The following SAE1 variants were observed in gnomAD, a reference collection of about 807,000 sequenced individuals.
SAE1 encodes the protein SUMO1 activating enzyme subunit 1.
In SAE1, 11 loss-of-function variants were observed where a neutral mutation model predicts 40.6. The observed-to-expected ratio is 0.27, with a 90% confidence interval of 0.17 to 0.45. The LOEUF is 0.45. Among genes scored for constraint, SAE1 ranks in the 20% least tolerant of loss-of-function variants. The pLI, the probability that SAE1 is intolerant of heterozygous loss-of-function variation, is 1.00. For missense variants in SAE1, 373 were observed against 427.3 expected, an observed-to-expected ratio of 0.87 and a Z score of 1.12; for synonymous variants, 155 against 154.3, an observed-to-expected ratio of 1.00 and a Z score of -0.03.
At position 47,186,505 on chromosome 19, in the gene SAE1, G is replaced by A. The variant is rs578137296; in HGVS notation, c.734-10728G>A. On this transcript the variant is annotated intron_variant, in intron 6 of 8. Coordinates refer to ENST00000270225, the MANE Select transcript of SAE1 (RefSeq NM_005500.3). Reference sequence around the variant, plus strand: ...TTTTTACATGGTTCATTGAGCATTCGTGCTCCCCTCTGCTGTGGGTGAGGG... The same window carrying A: ...TTTTTACATGGTTCATTGAGCATTCATGCTCCCCTCTGCTGTGGGTGAGGG... 2.9e-4 allele frequency among the ~76,000 whole-genome samples: 44 copies of A among 152,086 alleles called. 1 individual carries two copies. Among genetic ancestry groups the A allele is most frequent in the Non-Finnish European group, 4.9e-4 (33 of 68,028 alleles).
chr19:47,177,106 T>C (rs1351683641), intron 6 of SAE1, among the ~76,000 whole-genome samples: 1 of 152,228 alleles, frequency 6.6e-6, no homozygotes, highest in Admixed American at 6.5e-5. Flanking sequence ...TTGCTCAGTC[T>C]CTGTTCTGAT....
At chr19:47,190,808 C>T (rs762927650) in intron 6 of SAE1, among the ~76,000 whole-genome samples, 10 of 152,194 alleles carry the variant, frequency 6.6e-5, no homozygotes, top group East Asian at 1.9e-4. Context: ...TATATGACCA[C>T]GGTCTCCACT....
intron 5 of SAE1, among the ~76,000 whole-genome samples, chr19:47,160,213 C>CTTT (rs2058350397): frequency 9.7e-6 from 1 of 102,780 alleles, no homozygotes; most frequent in African/African-American, 4.0e-5. Flanking sequence ...CAAAATCCTG[C>CTTT]ATTTTTTTTT....
intron 3 of SAE1, 28 bp from the exon 4 acceptor site, chr19:47,152,870 A>G (rs560620784): frequency 6.2e-7 from 1 of 1,608,710 alleles, no homozygotes; most frequent in East Asian, 2.2e-5. Flanking sequence ...GCAAAACTCA[A>G]ACCCAGCCAA....
At chr19:47,172,948 C>T (rs1469805661) in intron 6 of SAE1, among the ~76,000 whole-genome samples, 1 of 152,128 alleles carries the variant, frequency 6.6e-6, no homozygotes, top group Non-Finnish European at 1.5e-5. Context: ...AATTTAAAGT[C>T]AGTGGCTCAA....
intron 2 of SAE1, 53 bp from the exon 3 acceptor site, chr19:47,150,149 A>G: frequency 1.6e-6 from 2 of 1,233,946 alleles, no homozygotes; most frequent in Middle Eastern, 2.9e-4. Flanking sequence ...TCTTTTTAAG[A>G]TTTATTTTCC....
chr19:47,172,571 G>T (rs2058441055), intron 6 of SAE1, among the ~76,000 whole-genome samples: 1 of 152,080 alleles, frequency 6.6e-6, no homozygotes, highest in Admixed American at 6.6e-5. Context: ...GGATGAGGTG[G>T]TGTGCGCCTG....
chr19:47,151,143 T>C (rs557003007), intron 3 of SAE1, among the ~76,000 whole-genome samples: 20 of 152,152 alleles, frequency 1.3e-4, no homozygotes, highest in African/African-American at 4.6e-4. Flanking sequence ...GGGTAGTTTT[T>C]TTTTTTTGCA....
At position 47,171,305 on chromosome 19, in the gene SAE1, T is replaced by C. The variant is rs2058430865; in HGVS notation, c.733+1382T>C. 5.9e-5 allele frequency among the ~76,000 whole-genome samples: 9 copies of C among 151,740 alleles called. 1 individual carries two copies. In the South Asian group the frequency reaches 1.9e-3, roughly 32 times the overall value. The stretch of plus-strand genomic sequence containing the variant: ...CACTTTTAATTTTTATTTTAATTTT[T>C]TTTTTGGAGACGGAGTCTAGCTCTG... On this transcript the variant is annotated intron_variant, in intron 6 of 8. Transcript: ENST00000270225.
intron 2 of SAE1, among the ~76,000 whole-genome samples, chr19:47,145,707 A>G (rs895745609): frequency 3.3e-5 from 5 of 152,092 alleles, no homozygotes; most frequent in Admixed American, 3.3e-4. Flanking sequence ...CAGCTTCCCT[A>G]GTAGCTGGGA....
Position 47,204,765 on chromosome 19 carries a change from G to C in SAE1, c.948+1025G>C, listed in dbSNP as rs536562378. ...CCCACCTCAGCCTCCCAAAGTGCTG[G>C]GATTATAGGTGTGAGCCACCGCACC... On this transcript the variant is annotated intron_variant, in intron 8 of 8. Coordinates refer to ENST00000270225, the MANE Select transcript of SAE1 (RefSeq NM_005500.3). Among the ~76,000 whole-genome samples the C allele has an allele frequency of 1.2e-4, 18 of 152,066 alleles. No individual in the cohort carries two copies. The South Asian group carries it at 3.7e-3, about 32-fold the overall frequency.
intron 5 of SAE1, among the ~76,000 whole-genome samples, chr19:47,163,786 G>T (rs2058373133): frequency 6.6e-6 from 1 of 152,108 alleles, no homozygotes; most frequent in Non-Finnish European, 1.5e-5. Flanking sequence ...TGCAAGTACT[G>T]TGCCATTTAT....
At chr19:47,143,893 A>C (rs2058238403) in intron 2 of SAE1, among the ~76,000 whole-genome samples, 1 of 152,154 alleles carries the variant, frequency 6.6e-6, no homozygotes, top group Non-Finnish European at 1.5e-5. Context: ...GGAGGTGTAG[A>C]GAAGTGTTTT....
intron 5 of SAE1, among the ~76,000 whole-genome samples, chr19:47,164,206 T>A (rs2058375909): frequency 6.6e-6 from 1 of 152,348 alleles, no homozygotes; most frequent in African/African-American, 2.4e-5. Flanking sequence ...TCTCGATCTG[T>A]CGCCCAGGCT....
At chr19:47,209,082 C>A in intron 8 of SAE1, 77 bp from the exon 9 acceptor site, 1 of 1,468,848 alleles carries the variant, frequency 6.8e-7, no homozygotes, top group Non-Finnish European at 9.3e-7. Flanking sequence ...CTGCCCTAGA[C>A]TGCTTTTAGA....
At chr19:47,164,233 A>G (rs999926394) in intron 5 of SAE1, among the ~76,000 whole-genome samples, 1 of 151,898 alleles carries the variant, frequency 6.6e-6, no homozygotes, top group African/African-American at 2.4e-5. Flanking sequence ...CAGTGGCGCA[A>G]TCTCGGCTCA....
At chr19:47,148,779 T>C (rs2058269588) in intron 2 of SAE1, among the ~76,000 whole-genome samples, 1 of 151,810 alleles carries the variant, frequency 6.6e-6, no homozygotes, top group African/African-American at 2.4e-5. Context: ...CACGTCCGGC[T>C]AATTTTGTAT....
chr19:47,173,348 T>G (rs750481241), intron 6 of SAE1, among the ~76,000 whole-genome samples: 2 of 152,276 alleles, frequency 1.3e-5, no homozygotes, highest in Non-Finnish European at 2.9e-5. Flanking sequence ...AGAAGTCATA[T>G]AGCTACTGTT....
chr19:47,169,805 C>G lies in SAE1; in HGVS notation c.628-13C>G. On this transcript the variant is annotated splice_polypyrimidine_tract_variant and intron_variant, in intron 5 of 8. Transcript: ENST00000270225. ...ATATGTTATTCCTAAGCAGTTCTGC[C>G]TTTTTTCCACAGAAGGTGGTCTTCT... 1 of 1,596,742 alleles carries G rather than the reference C, an allele frequency of 6.3e-7. No homozygotes were observed. The highest frequency in any genetic ancestry group is 8.6e-7 in the Non-Finnish European group (1 of 1,164,474).
Sources: gnomAD v4.1 joint callset for allele counts (sites outside exome capture counted in the v4.1 genomes callset) on GRCh38, gnomAD v4.1.1 for gene constraint, MANE v1.5 for transcripts, NCBI Gene and HGNC (gene_info 2026-07-23, HGNC 2026-07-21) for gene names.